Variants in GLI2 observed in about 807,000 individuals in gnomAD.
The protein encoded by GLI2 is transcription activator GLI2.
GLI2 carries 22 observed loss-of-function variants against 78.9 expected under a neutral mutation model. The observed-to-expected ratio is 0.28, with a 90% CI of 0.20 to 0.40. GLI2 has a LOEUF of 0.40. GLI2 is among the 10% of genes least tolerant of loss of function. GLI2 has a pLI of 1.00. For synonymous variants in GLI2, 974 were observed against 963.7 expected (o/e 1.01, Z -0.20); for missense variants, 2,097 against 2,213.2 (o/e 0.95, Z 1.05).
intron 2 of GLI2, among the ~76,000 whole-genome samples, chr2:120,810,626 G>T (rs1685191687): frequency 6.6e-6 from 1 of 152,212 alleles, no homozygotes; most frequent in African/African-American, 2.4e-5. Flanking sequence ...GCTTGGAAGG[G>T]ATGAGGATAC....
At chr2:120,815,248 A>G (rs1036801653) in intron 2 of GLI2, among the ~76,000 whole-genome samples, 1 of 152,190 alleles carries the variant, frequency 6.6e-6, no homozygotes, top group African/African-American at 2.4e-5. Flanking sequence ...GGGTCTCTGC[A>G]GACAGTAAGT....
At chr2:120,744,537 A>T (rs947714000) in intron 1 of GLI2, among the ~76,000 whole-genome samples, 2 of 152,242 alleles carry the variant, frequency 1.3e-5, no homozygotes, top group Non-Finnish European at 2.9e-5. Flanking sequence ...GGTACATAAT[A>T]TAGTAATTTA....
chr2:120,837,926 C>T (rs1686692956), intron 2 of GLI2, among the ~76,000 whole-genome samples: 2 of 152,112 alleles, frequency 1.3e-5, no homozygotes, highest in South Asian at 4.2e-4. Context: ...AGGGAAAATC[C>T]CCTCATGTGT....
At chr2:120,910,385 C>G (rs1678756781) in intron 2 of GLI2, among the ~76,000 whole-genome samples, 1 of 152,170 alleles carries the variant, frequency 6.6e-6, no homozygotes, top group Non-Finnish European at 1.5e-5. Flanking sequence ...ATCCATCACC[C>G]CATTTCCTAG....
At chr2:120,801,938 T>A (rs1250976981) in intron 2 of GLI2, among the ~76,000 whole-genome samples, 1 of 152,174 alleles carries the variant, frequency 6.6e-6, no homozygotes, top group Non-Finnish European at 1.5e-5. Flanking sequence ...TTTAGATTGT[T>A]ATTTAGATTG....
At chr2:120,851,524 G>A (rs1426607749) in intron 2 of GLI2, among the ~76,000 whole-genome samples, 3 of 152,226 alleles carry the variant, frequency 2.0e-5, no homozygotes, top group African/African-American at 7.2e-5. Context: ...GTGTGCCTGG[G>A]GTCATTAGAT....
chr2:120,800,666 G>T lies in GLI2; in HGVS notation c.148+3198G>T, dbSNP rs1180564495. Among the ~76,000 whole-genome samples the T allele has an allele frequency of 6.6e-6, 1 of 151,660 alleles. No individual in the cohort carries two copies. The highest frequency in any genetic ancestry group is 1.5e-5 in the Non-Finnish European group (1 of 67,896). ...ACTACAGGCACCCGCCACCACACCT[G>T]GCTAATTTTTTTGTATTTTTTAGTA... On this transcript the variant is annotated intron_variant, in intron 2 of 13. Coordinates refer to ENST00000361492, the MANE Select transcript of GLI2 (RefSeq NM_001374353.1). The surrounding 1 kb of genome is among the most constrained non-coding windows in gnomAD (Gnocchi z 4.1).
intron 2 of GLI2, among the ~76,000 whole-genome samples, chr2:120,819,341 G>A (rs1413085317): frequency 1.3e-5 from 2 of 150,422 alleles, no homozygotes; most frequent in Non-Finnish European, 2.9e-5. Context: ...CCAGGTTCAG[G>A]CAATTTTCCT....
intron 2 of GLI2, among the ~76,000 whole-genome samples, chr2:120,894,599 C>T (rs76142572): frequency 0.015 from 2,274 of 150,982 alleles, 68 homozygotes; most frequent in African/African-American, 0.053. Context: ...TGAAGACATG[C>T]ATTAACCCTT....
intron 1 of GLI2, among the ~76,000 whole-genome samples, chr2:120,775,047 A>G (rs1294817418): frequency 6.6e-6 from 1 of 152,186 alleles, no homozygotes; most frequent in Admixed American, 6.5e-5. Context: ...CTACACTTGG[A>G]AATGCTGCCC....
chr2:120,921,286 G>C (rs540123704), intron 2 of GLI2, among the ~76,000 whole-genome samples: 1 of 152,162 alleles, frequency 6.6e-6, no homozygotes, highest in African/African-American at 2.4e-5. Flanking sequence ...TTGGGGTGCT[G>C]TCCTATTATA....
At chr2:120,911,260 C>T (rs6724298) in intron 2 of GLI2, among the ~76,000 whole-genome samples, 41,977 of 152,206 alleles carry the variant, frequency 0.28, 6,086 homozygotes, top group South Asian at 0.47. Flanking sequence ...AGTTACTGAA[C>T]GCTCCTGTGC....
chr2:120,922,330 A>C (rs1054854824), intron 2 of GLI2, among the ~76,000 whole-genome samples: 5 of 152,138 alleles, frequency 3.3e-5, no homozygotes, highest in Non-Finnish European at 5.9e-5. Flanking sequence ...TACTCCTTGC[A>C]ACTTGGCCGA....
intron 2 of GLI2, among the ~76,000 whole-genome samples, chr2:120,909,846 C>T (rs554000881): frequency 5.1e-4 from 77 of 152,334 alleles, no homozygotes; most frequent in African/African-American, 1.8e-3. Context: ...GCCTGGGCGA[C>T]AGAGTGAGAC....
At chr2:120,965,140 C>T (rs928643307) in intron 5 of GLI2, among the ~76,000 whole-genome samples, 33 of 152,192 alleles carry the variant, frequency 2.2e-4, no homozygotes, top group Non-Finnish European at 4.4e-5. Flanking sequence ...AGCCAGGATG[C>T]AGATGCTGCA....
At chr2:120,868,471 G>A (rs1282035446) in intron 2 of GLI2, among the ~76,000 whole-genome samples, 3 of 152,160 alleles carry the variant, frequency 2.0e-5, no homozygotes. Context: ...CCTGCCTTCT[G>A]GGCCCCAGAG....
intron 2 of GLI2, among the ~76,000 whole-genome samples, chr2:120,924,542 T>TACACACACACACAC (rs56852363): frequency 7.4e-5 from 11 of 149,548 alleles, no homozygotes; most frequent in African/African-American, 1.5e-4. Context: ...CATTTAGAAA[T>TACACACACACACAC]ACACACACAC....
At chr2:120,764,050 C>T (rs1438261361) in intron 1 of GLI2, among the ~76,000 whole-genome samples, 3 of 152,246 alleles carry the variant, frequency 2.0e-5, no homozygotes, top group African/African-American at 4.8e-5. Flanking sequence ...GATGTGGGCC[C>T]TCCATGTCCC....
At chr2:120,848,428 C>G (rs939553648) in intron 2 of GLI2, among the ~76,000 whole-genome samples, 2 of 152,168 alleles carry the variant, frequency 1.3e-5, no homozygotes, top group African/African-American at 4.8e-5. Context: ...GGTGCTCTGC[C>G]TACCGACTCG....
Sources: allele counts gnomAD v4.1 joint callset (sites outside exome capture counted in the v4.1 genomes callset), GRCh38; gene constraint gnomAD v4.1.1; non-coding constraint Gnocchi (gnomAD v3.1); transcripts MANE v1.5; gene names NCBI Gene and HGNC (gene_info 2026-07-23, HGNC 2026-07-21).